SLC26A5: variants seen among roughly 807,000 people sequenced by gnomAD.
SLC26A5 encodes prestin.
SLC26A5 carries 51 observed loss-of-function variants against 81.0 expected under a neutral mutation model. The ratio of observed to expected loss-of-function variants is 0.63; its 90% CI spans 0.50 to 0.80. SLC26A5 has a LOEUF of 0.80. Among genes scored for constraint, SLC26A5 ranks in the 30% least tolerant of loss-of-function variants. The pLI is 0.00. For synonymous variants in SLC26A5, 325 were observed against 332.8 expected (o/e 0.98, Z 0.25); for missense variants, 771 against 905.8 (o/e 0.85, Z 1.91).
At position 103,374,290 on chromosome 7, in the gene SLC26A5, C is replaced by G. The variant is rs531359644; in HGVS notation, c.*109G>C. The G allele has an allele frequency of 1.1e-5, 17 of 1,534,166 alleles. No individual in the cohort carries two copies. The South Asian group carries it at 1.5e-4, about 13-fold the overall frequency. On this transcript the variant is annotated 3_prime_UTR_variant, in exon 20 of 20. Coordinates refer to ENST00000306312, the MANE Select transcript of SLC26A5 (RefSeq NM_198999.3). ...ATTCACCCTCCAAATCAAGCCTGGACTACTAGTATTCACCCTTAGAAAAAA... is the reference window on the plus strand; with the variant it reads ...ATTCACCCTCCAAATCAAGCCTGGAGTACTAGTATTCACCCTTAGAAAAAA...
intron 4 of SLC26A5, 135 bp downstream of exon 4, chr7:103,420,603 G>T (rs1825271103): frequency 1.6e-6 from 2 of 1,212,936 alleles, no homozygotes; most frequent in Non-Finnish European, 1.2e-6. Flanking sequence ...TGTTTCTGAA[G>T]AATACCTTTA....
Position 103,355,211 on chromosome 7 carries a change from G to A in SLC26A5, c.2042-2285C>T, listed in dbSNP as rs78366496. On this transcript the variant is annotated intron_variant, in intron 19 of 19. Transcript: ENST00000339444. ...TTTCTGTTGGTCAAAACCCAGTTCA[G>A]TAAACTTCAGTTAACAAGTCAAAAA... 3.8e-3 allele frequency among the ~76,000 whole-genome samples: 573 copies of A among 152,282 alleles called. 4 individuals are homozygous for A. Among genetic ancestry groups the A allele is most frequent in the African/African-American group, 0.014 (563 of 41,554 alleles).
At chr7:103,432,641 T>C (rs956878881) in intron 2 of SLC26A5, among the ~76,000 whole-genome samples, 4 of 152,286 alleles carry the variant, frequency 2.6e-5, no homozygotes, top group African/African-American at 9.6e-5. Context: ...AACACACTTC[T>C]GATCTTGTTC....
At chr7:103,406,044 G>A (rs2079468) in intron 8 of SLC26A5, among the ~76,000 whole-genome samples, 6,845 of 152,250 alleles carry the variant, frequency 0.045, 226 homozygotes, top group East Asian at 0.14. Flanking sequence ...AAGCTCAAGC[G>A]TCCCAGGTTG....
At position 103,367,813 on chromosome 7, in the gene SLC26A5, A is replaced by G; in HGVS notation, c.2041+8995T>C. On this transcript the variant is annotated intron_variant, in intron 19 of 19. Coordinates refer to the SLC26A5 transcript ENST00000339444. This position sits in a 1 kb window ranked among gnomAD's most constrained non-coding sequence, Gnocchi z 6.1. ...CGACTGTGTCCAAATAGCACTGGTA[A>G]GTAGAAAGTTCTTGCTTATATTTGC... 1 of 1,612,842 alleles carries G rather than the reference A, an allele frequency of 6.2e-7. No homozygotes were observed. The highest frequency in any genetic ancestry group is 8.5e-7 in the Non-Finnish European group (1 of 1,179,320).
chr7:103,355,049 A>T lies in SLC26A5; in HGVS notation c.2042-2123T>A, dbSNP rs189602415. On this transcript the variant is annotated intron_variant, in intron 19 of 19. Transcript: ENST00000339444. ...TTTACTCCTTCATGATTACAGATTT[A>T]AAAAAAATCATTATTCTTCCTTTCT... 1.2e-4 allele frequency: 90 copies of T among 774,340 alleles called. No homozygotes were observed. The East Asian group carries it at 1.4e-3, about 12-fold the overall frequency. 48.0% of individuals were successfully genotyped at this position (774,340 alleles called of 1,614,324 possible). A position where few individuals can be genotyped will look rare whatever the true frequency, so the allele number is the denominator to read the frequency against.
rs906146903 is a variant in SLC26A5 at position 103,379,295 on chromosome 7, G to A, written c.1625C>T (p.Ala542Val). 1.9e-6 allele frequency: 3 copies of A among 1,610,582 alleles called. No individual in the cohort carries two copies. The highest frequency in any genetic ancestry group is 2.5e-6 in the Non-Finnish European group (3 of 1,177,234). ...IPGIKIFQIN[A>V]PIYYANSDLY... ...GTCGCTATTTGCATAGTAAATTGGT[G>A]CATTTATTTGAAATATTTTTATTCC... Residue 542 changes from alanine to valine, a missense_variant, in exon 16 of 20, where the codon GCA becomes GTA. Ala to Val is a moderately conservative substitution (Grantham distance 64, BLOSUM62 0). Transcript: ENST00000306312.
chr7:103,415,012 G>C (rs550266091), intron 4 of SLC26A5, among the ~76,000 whole-genome samples: 41 of 152,128 alleles, frequency 2.7e-4, no homozygotes, highest in Non-Finnish European at 4.7e-4. Context: ...TCATAGCTTG[G>C]GATAGATTGA....
intron 9 of SLC26A5, among the ~76,000 whole-genome samples, chr7:103,395,270 C>T (rs1235360595): frequency 6.6e-6 from 1 of 150,910 alleles, no homozygotes. Context: ...GTATTTGTTA[C>T]CTACTTGGTT....
downstream of SLC26A5, among the ~76,000 whole-genome samples, chr7:103,369,797 T>C (rs73175852): frequency 0.093 from 14,152 of 152,252 alleles, 699 homozygotes; most frequent in South Asian, 0.13. Context: ...TAGAAAAATA[T>C]ACCGTAGAAT....
At chr7:103,362,791 TGTC>T in intron 19 of SLC26A5, 3 of 1,400,218 alleles carry the variant, frequency 2.1e-6, no homozygotes, top group South Asian at 1.2e-5. Context: ...AGGAAGGCTA[TGTC>T]TTTTTTTTTT....
rs776663282 is a variant in SLC26A5 at position 103,367,950 on chromosome 7, C to T, written c.2041+8858G>A. On this transcript the variant is annotated intron_variant, in intron 19 of 19. Transcript: ENST00000339444. The surrounding 1 kb of genome is among the most constrained non-coding windows in gnomAD (Gnocchi z 6.1). ...GGCTGGTATGTTTGCCATCAGAGCACGGCGAAAAATTGCTACCGAGAAGGA... is the reference window on the plus strand; with the variant it reads ...GGCTGGTATGTTTGCCATCAGAGCATGGCGAAAAATTGCTACCGAGAAGGA... 3.7e-6 allele frequency: 6 copies of T among 1,613,632 alleles called. No homozygotes were observed. The highest frequency in any genetic ancestry group is 2.7e-5 in the African/African-American group (2 of 74,834).
intron 9 of SLC26A5, among the ~76,000 whole-genome samples, chr7:103,393,910 C>A (rs1193527876): frequency 6.6e-6 from 1 of 152,134 alleles, no homozygotes; most frequent in Admixed American, 6.5e-5. Flanking sequence ...ATAATTATTA[C>A]AATAACAAGC....
intron 9 of SLC26A5, among the ~76,000 whole-genome samples, chr7:103,393,755 C>G (rs1211227100): frequency 6.6e-6 from 1 of 152,076 alleles, no homozygotes; most frequent in Non-Finnish European, 1.5e-5. Flanking sequence ...TACTTGTAGT[C>G]TGGGATCCTT....
intron 19 of SLC26A5, chr7:103,363,518 A>G: frequency 8.0e-7 from 1 of 1,242,582 alleles, no homozygotes; most frequent in Non-Finnish European, 1.2e-6. Context: ...TTGCTTGTAT[A>G]TTAGATGGCT....
intron 14 of SLC26A5, among the ~76,000 whole-genome samples, chr7:103,384,724 G>T (rs1216638977): frequency 6.6e-6 from 1 of 152,128 alleles, no homozygotes; most frequent in Admixed American, 6.5e-5. Context: ...ATCATTCTAG[G>T]CTTCAGCTTC....
At chr7:103,352,840 T>C (rs769805683) in exon 20 of SLC26A5, 10 of 780,708 alleles carry the variant, frequency 1.3e-5, no homozygotes, top group Non-Finnish European at 2.2e-5. Flanking sequence ...ATTCAAACCC[T>C]GTCCACCTGG....
At chr7:103,437,046 G>A (rs1826502538) in intron 2 of SLC26A5, among the ~76,000 whole-genome samples, 1 of 152,188 alleles carries the variant, frequency 6.6e-6, no homozygotes, top group Admixed American at 6.5e-5. Context: ...TCTGACAAGT[G>A]CTTAATATCT....
chr7:103,379,446 T>C, intron 15 of SLC26A5, 111 bp from the exon 16 acceptor site: 2 of 691,244 alleles, frequency 2.9e-6, no homozygotes, highest in Non-Finnish European at 5.1e-6. Context: ...TAAGGTCCCC[T>C]TTTCAGGGCT....
Sources: gnomAD v4.1 joint callset for allele counts (sites outside exome capture counted in the v4.1 genomes callset) on GRCh38, gnomAD v4.1.1 for gene constraint, Gnocchi (gnomAD v3.1) non-coding constraint, MANE v1.5 for transcripts, NCBI Gene and HGNC (gene_info 2026-07-23, HGNC 2026-07-21) for gene names.